TMEM178B: variants seen among roughly 807,000 people sequenced by gnomAD.
The protein encoded by TMEM178B is transmembrane protein 178B.
In TMEM178B, 5 loss-of-function variants were observed where a neutral mutation model predicts 31.0. That is an observed-to-expected ratio of 0.16 (90% CI 0.08 to 0.34). The LOEUF is 0.34. Ranked by LOEUF, TMEM178B falls within the 10% of genes least tolerant of loss-of-function variation. The pLI is 1.00. For missense variants in TMEM178B, 275 were observed against 400.3 expected (o/e 0.69, Z 2.67); for synonymous variants, 164 against 164.0 (o/e 1.00, Z 0.00).
chr7:141,459,756 A>G (rs1252478287), intron 3 of TMEM178B, among the ~76,000 whole-genome samples: 1 of 152,168 alleles, frequency 6.6e-6, no homozygotes, highest in East Asian at 1.9e-4. Context: ...ACACGCTGCC[A>G]ATGTCCCCTT....
intron 2 of TMEM178B, among the ~76,000 whole-genome samples, chr7:141,374,378 GCACACACA>G (rs148202767): frequency 8.6e-5 from 13 of 150,514 alleles, no homozygotes; most frequent in African/African-American, 3.2e-4. Context: ...ACACACACAT[GCACACACA>G]CACACACAGA....
At chr7:141,249,718 G>A (rs1303665222) in intron 2 of TMEM178B, among the ~76,000 whole-genome samples, 1 of 152,164 alleles carries the variant, frequency 6.6e-6, no homozygotes, top group African/African-American at 2.4e-5. Context: ...CCTTCCACTT[G>A]GAGAACTTTC....
intron 2 of TMEM178B, among the ~76,000 whole-genome samples, chr7:141,342,700 C>T (rs1294311017): frequency 6.6e-6 from 1 of 152,236 alleles, no homozygotes; most frequent in African/African-American, 2.4e-5. Flanking sequence ...CCAGACTCTT[C>T]TCACATACGG....
chr7:141,290,850 T>G (rs1406274409), intron 2 of TMEM178B, among the ~76,000 whole-genome samples: 1 of 152,196 alleles, frequency 6.6e-6, no homozygotes, highest in East Asian at 1.9e-4. Flanking sequence ...TCAGAGATGA[T>G]GGCTGGGAAT....
At chr7:141,077,343 C>T (rs1563081526) in intron 1 of TMEM178B, among the ~76,000 whole-genome samples, 1 of 152,024 alleles carries the variant, frequency 6.6e-6, no homozygotes, top group Non-Finnish European at 1.5e-5. Flanking sequence ...CTTTAAAATC[C>T]GTTAATATAT....
At chr7:141,381,861 T>A (rs903256532) in intron 2 of TMEM178B, among the ~76,000 whole-genome samples, 2 of 152,204 alleles carry the variant, frequency 1.3e-5, no homozygotes, top group African/African-American at 4.8e-5. Context: ...ATGTTCCCCA[T>A]TTTTAATACA....
At chr7:141,405,166 G>C (rs1800859821) in intron 2 of TMEM178B, among the ~76,000 whole-genome samples, 1 of 152,256 alleles carries the variant, frequency 6.6e-6, no homozygotes, top group Admixed American at 6.5e-5. Flanking sequence ...TAGAGGCCTT[G>C]AGTACTAATC....
chr7:141,275,008 G>A (rs925849415), intron 2 of TMEM178B, among the ~76,000 whole-genome samples: 1 of 152,202 alleles, frequency 6.6e-6, no homozygotes, highest in Non-Finnish European at 1.5e-5. Context: ...AGCTAGCAAT[G>A]TGGAGGTTTA....
chr7:141,301,072 T>A (rs761805084), intron 2 of TMEM178B, among the ~76,000 whole-genome samples: 4 of 152,162 alleles, frequency 2.6e-5, no homozygotes, highest in African/African-American at 4.8e-5. Flanking sequence ...TCAAAAGGCT[T>A]TGTTCCAGAT....
chr7:141,329,928 G>A (rs1307693872), intron 2 of TMEM178B, among the ~76,000 whole-genome samples: 2 of 152,160 alleles, frequency 1.3e-5, no homozygotes. Flanking sequence ...ACAGGTTAAC[G>A]AACGTGGTGG....
intron 1 of TMEM178B, among the ~76,000 whole-genome samples, chr7:141,206,749 GT>G (rs1796973561): frequency 1.3e-5 from 2 of 152,172 alleles, no homozygotes; most frequent in African/African-American, 4.8e-5. Context: ...CATACTCTGT[GT>G]TTAGCTTTGT....
chr7:141,377,159 G>GTATTTATT (rs199852618), intron 2 of TMEM178B, among the ~76,000 whole-genome samples: 7,147 of 145,218 alleles, frequency 0.049, 211 homozygotes, highest in South Asian at 0.073. Context: ...GGCTACTTCT[G>GTATTTATT]TATTTATTTA....
At chr7:141,409,788 A>T (rs929904397) in intron 2 of TMEM178B, among the ~76,000 whole-genome samples, 12 of 151,802 alleles carry the variant, frequency 7.9e-5, no homozygotes, top group African/African-American at 2.9e-4. Context: ...CCATCAGGAA[A>T]GCTGGGCCCC....
chr7:141,489,593 G>GTC, the TMEM178B span, among the ~76,000 whole-genome samples: 2 of 151,570 alleles, frequency 1.3e-5, no homozygotes, highest in Non-Finnish European at 2.9e-5. Context: ...CTTCATGTGT[G>GTC]TCTCTCTCTC....
At chr7:141,287,851 A>G (rs775480101) in intron 2 of TMEM178B, among the ~76,000 whole-genome samples, 1 of 152,124 alleles carries the variant, frequency 6.6e-6, no homozygotes, top group African/African-American at 2.4e-5. Context: ...TGTTTATTCT[A>G]CCTTGCTTCC....
At chr7:141,274,298 G>C (rs755142332) in intron 2 of TMEM178B, among the ~76,000 whole-genome samples, 7 of 152,164 alleles carry the variant, frequency 4.6e-5, no homozygotes, top group Non-Finnish European at 1.0e-4. Flanking sequence ...ATAAGTTGGT[G>C]CTCAACAAAT....
intron 2 of TMEM178B, among the ~76,000 whole-genome samples, chr7:141,382,647 G>T (rs1800339242): frequency 6.6e-6 from 1 of 152,060 alleles, no homozygotes; most frequent in Non-Finnish European, 1.5e-5. Flanking sequence ...CATTAACACT[G>T]CCTTTCTTTA....
intron 2 of TMEM178B, among the ~76,000 whole-genome samples, chr7:141,313,564 A>C (rs1798949694): frequency 6.6e-6 from 1 of 152,230 alleles, no homozygotes; most frequent in Admixed American, 6.5e-5. Context: ...GAATGAAGGC[A>C]TTAATTCCTA....
chr7:141,314,335 A>C (rs987856078), intron 2 of TMEM178B, among the ~76,000 whole-genome samples: 1 of 152,190 alleles, frequency 6.6e-6, no homozygotes, highest in African/African-American at 2.4e-5. Flanking sequence ...TATAAGAAAG[A>C]GAGGATCTGA....
Sources: allele counts gnomAD v4.1 joint callset (sites outside exome capture counted in the v4.1 genomes callset), GRCh38; gene constraint gnomAD v4.1.1; transcripts MANE v1.5; gene names NCBI Gene and HGNC (gene_info 2026-07-23, HGNC 2026-07-21).